Variants in SAMD5 observed in about 807,000 individuals in gnomAD.
SAMD5 encodes sterile alpha motif domain containing 5.
Under a neutral mutation model 11.3 loss-of-function variants are expected in SAMD5, and 13 were observed. The observed-to-expected ratio is 1.15, with a 90% CI of 0.75 to 1.83. The LOEUF is 1.83. SAMD5 is among the 40% of genes most tolerant of loss of function. SAMD5 has a pLI of 0.00. For missense variants in SAMD5, 255 were observed against 239.1 expected, an observed-to-expected ratio of 1.07 and a Z score of -0.44; for synonymous variants, 129 against 111.3, an observed-to-expected ratio of 1.16 and a Z score of -1.00.
At chr6:147,798,980 T>G in the SAMD5 span, among the ~76,000 whole-genome samples, 1 of 152,206 alleles carries the variant, frequency 6.6e-6, no homozygotes, top group South Asian at 2.1e-4. Flanking sequence ...GTGAGATGGA[T>G]TTCCTGAATA....
the SAMD5 span, among the ~76,000 whole-genome samples, chr6:147,889,524 T>C: frequency 6.6e-6 from 1 of 152,258 alleles, no homozygotes; most frequent in African/African-American, 2.4e-5. Flanking sequence ...TAATTTGTTA[T>C]TAGATGCTAG....
intron 1 of SAMD5, among the ~76,000 whole-genome samples, chr6:147,575,447 C>T (rs910121731): frequency 2.6e-5 from 4 of 152,258 alleles, no homozygotes; most frequent in Admixed American, 2.0e-4. Context: ...TGTGCCACCA[C>T]GAATGGCAGC....
chr6:147,514,862 C>T lies in SAMD5; in HGVS notation c.459+5475C>T, dbSNP rs141752939. 3.2e-3 allele frequency among the ~76,000 whole-genome samples: 481 copies of T among 152,184 alleles called. 2 individuals are homozygous for T. Among genetic ancestry groups the T allele is most frequent in the African/African-American group, 0.011 (460 of 41,506 alleles). ...TAACAAGAATCTCATGCTAATAAGG[C>T]TATTTATGGATATTCTGGAGAGATG... On this transcript the variant is annotated intron_variant, in intron 1 of 1. Coordinates refer to ENST00000367474, the MANE Select transcript of SAMD5 (RefSeq NM_001030060.3).
intron 1 of SAMD5, among the ~76,000 whole-genome samples, chr6:147,730,672 T>C (rs1791700521): frequency 6.6e-6 from 1 of 152,082 alleles, no homozygotes; most frequent in Non-Finnish European, 1.5e-5. Context: ...TAAGCATATA[T>C]AGACAATAGA....
intron 1 of SAMD5, among the ~76,000 whole-genome samples, chr6:147,710,154 A>G (rs965000463): frequency 2.2e-4 from 33 of 152,158 alleles, no homozygotes; most frequent in Admixed American, 2.1e-3. Context: ...GCTCTCTGAC[A>G]TCTAGATTTC....
At chr6:147,912,781 T>C in the SAMD5 span, among the ~76,000 whole-genome samples, 1 of 151,736 alleles carries the variant, frequency 6.6e-6, no homozygotes, top group Admixed American at 6.6e-5. Flanking sequence ...GGATACAGAG[T>C]GATTTTCAGG....
chr6:147,747,954 A>C, the SAMD5 span, among the ~76,000 whole-genome samples: 82,479 of 151,910 alleles, frequency 0.54, 23,132 homozygotes, highest in Middle Eastern at 0.66. Flanking sequence ...TGGAAAATAT[A>C]TCTCTCCCTA....
chr6:147,597,971 G>A (rs1171459389), intron 1 of SAMD5, among the ~76,000 whole-genome samples: 1 of 152,156 alleles, frequency 6.6e-6, no homozygotes, highest in African/African-American at 2.4e-5. Flanking sequence ...CCTTCGGATG[G>A]CTCCCTCCTT....
chr6:147,574,204 T>TA (rs567769286), downstream of SAMD5, among the ~76,000 whole-genome samples: 10 of 149,078 alleles, frequency 6.7e-5, no homozygotes, highest in South Asian at 8.5e-4. Flanking sequence ...TTGCCAACAC[T>TA]AAAAAAAAAA....
At chr6:147,954,044 C>T in the SAMD5 span, 1 of 152,152 alleles carries the variant, frequency 6.6e-6, no homozygotes, top group African/African-American at 2.4e-5. Context: ...AGTTAAGCTA[C>T]CAAAAAGACA....
intron 1 of SAMD5, among the ~76,000 whole-genome samples, chr6:147,520,745 T>C (rs140438270): frequency 1.2e-3 from 182 of 152,258 alleles, no homozygotes; most frequent in African/African-American, 4.1e-3. Flanking sequence ...AAGATATAAT[T>C]GACAAATAAA....
rs545656305 is a variant in SAMD5, at chr6:147,526,461, C to T, written c.459+17074C>T. ...TAGATATATATGTAAGTAAACATAA[C>T]ATTTCAGCATCATATGAATGCCAAA... is the stretch of plus-strand genomic sequence containing the variant. On this transcript the variant is annotated intron_variant, in intron 1 of 1. Transcript: ENST00000367474. 2.0e-5 allele frequency among the ~76,000 whole-genome samples: 3 copies of T among 152,286 alleles called. No homozygotes were observed. In the East Asian group the frequency reaches 5.8e-4, roughly 29 times the overall value.
At chr6:147,624,100 C>T (rs844617) in intron 1 of SAMD5, among the ~76,000 whole-genome samples, 14,548 of 152,184 alleles carry the variant, frequency 0.096, 919 homozygotes, top group African/African-American at 0.17. Flanking sequence ...AAGCTCCTGA[C>T]CTCAAGTGAT....
the SAMD5 span, among the ~76,000 whole-genome samples, chr6:147,876,293 T>A: frequency 6.6e-6 from 1 of 152,220 alleles, no homozygotes; most frequent in Non-Finnish European, 1.5e-5. Context: ...GAGTCTCTCT[T>A]CATCATTGTG....
intron 1 of SAMD5, among the ~76,000 whole-genome samples, chr6:147,732,344 A>G (rs1007113899): frequency 1.3e-5 from 2 of 152,202 alleles, no homozygotes; most frequent in Non-Finnish European, 2.9e-5. Context: ...TCTCTCGTAT[A>G]TTACTGCTAT....
chr6:147,563,938 C>T (rs962928658), intron 1 of SAMD5, among the ~76,000 whole-genome samples: 20 of 152,184 alleles, frequency 1.3e-4, no homozygotes, highest in South Asian at 8.3e-4. Context: ...CTAGCACTTG[C>T]AGCTACAAGT....
At chr6:147,847,737 C>A in the SAMD5 span, among the ~76,000 whole-genome samples, 5 of 152,248 alleles carry the variant, frequency 3.3e-5, no homozygotes, top group South Asian at 6.2e-4. Flanking sequence ...CCTGAAATTT[C>A]AACTACTTGG....
At chr6:147,841,272 C>A in the SAMD5 span, among the ~76,000 whole-genome samples, 1 of 152,128 alleles carries the variant, frequency 6.6e-6, no homozygotes, top group African/African-American at 2.4e-5. Context: ...TTAGATTATC[C>A]AGATTCAGTG....
intron 1 of SAMD5, among the ~76,000 whole-genome samples, chr6:147,640,129 C>T (rs532645863): frequency 1.2e-4 from 18 of 152,012 alleles, no homozygotes; most frequent in African/African-American, 3.9e-4. Context: ...AGATCGCGAC[C>T]ATCCTGGCCA....
Sources: allele counts gnomAD v4.1 joint callset (sites outside exome capture counted in the v4.1 genomes callset), GRCh38; gene constraint gnomAD v4.1.1; transcripts MANE v1.5; gene names NCBI Gene and HGNC (gene_info 2026-07-23, HGNC 2026-07-21).